AFG2A: variants seen among roughly 807,000 people sequenced by gnomAD.
The protein encoded by AFG2A is ATPase family gene 2 protein homolog A.
chr4:123,082,493 T>C, the AFG2A span, among the ~76,000 whole-genome samples: 1 of 150,582 alleles, frequency 6.6e-6, no homozygotes, highest in African/African-American at 2.4e-5. Flanking sequence ...GTACTTTTTG[T>C]GTGTGTCTCT....
At chr4:123,167,200 TTA>T in the AFG2A span, among the ~76,000 whole-genome samples, 1 of 148,448 alleles carries the variant, frequency 6.7e-6, no homozygotes, top group Non-Finnish European at 1.5e-5. Flanking sequence ...TATTTATATA[TTA>T]TATATATTTG....
At chr4:123,095,742 T>C in the AFG2A span, among the ~76,000 whole-genome samples, 117 of 152,128 alleles carry the variant, frequency 7.7e-4, no homozygotes, top group African/African-American at 2.7e-3. Flanking sequence ...GTCAAAGAAA[T>C]TGATATATAT....
chr4:122,934,780 C>G, the AFG2A span: 7 of 1,520,646 alleles, frequency 4.6e-6, no homozygotes, highest in East Asian at 1.6e-4. Context: ...ATGTTAAATT[C>G]AAATTAAAAG....
chr4:123,095,079 GTGTATA>G, the AFG2A span, among the ~76,000 whole-genome samples: 65,973 of 113,786 alleles, frequency 0.58, 21,863 homozygotes, highest in East Asian at 0.91. Flanking sequence ...GTGTGTGTGT[GTGTATA>G]TATATATATA....
At chr4:123,149,749 G>A in the AFG2A span, among the ~76,000 whole-genome samples, 3 of 149,368 alleles carry the variant, frequency 2.0e-5, no homozygotes, top group East Asian at 3.9e-4. Flanking sequence ...TCATCATGTA[G>A]CAAACATTTA....
the AFG2A span, chr4:122,934,152 G>A: frequency 9.9e-6 from 16 of 1,614,044 alleles, no homozygotes; most frequent in East Asian, 8.9e-5. Flanking sequence ...ATGGACGACC[G>A]TACAAGCTGC....
At chr4:123,193,885 C>T in the AFG2A span, among the ~76,000 whole-genome samples, 1 of 152,016 alleles carries the variant, frequency 6.6e-6, no homozygotes, top group Non-Finnish European at 1.5e-5. Context: ...GAAAACAGAC[C>T]ACACACAGCC....
At chr4:123,237,351 T>A in the AFG2A span, among the ~76,000 whole-genome samples, 1 of 152,122 alleles carries the variant, frequency 6.6e-6, no homozygotes, top group African/African-American at 2.4e-5. Context: ...ATGTTTCTAG[T>A]TGTTTGAAGT....
the AFG2A span, among the ~76,000 whole-genome samples, chr4:123,249,050 T>G: frequency 6.6e-6 from 1 of 152,234 alleles, no homozygotes; most frequent in Non-Finnish European, 1.5e-5. Flanking sequence ...AATAAGTTTT[T>G]GAGCTAGAAT....
the AFG2A span, among the ~76,000 whole-genome samples, chr4:122,946,583 A>G: frequency 6.6e-6 from 1 of 152,040 alleles, no homozygotes. Flanking sequence ...TGAATAGAAT[A>G]TTGGATAATT....
the AFG2A span, among the ~76,000 whole-genome samples, chr4:123,254,985 A>G: frequency 2.0e-5 from 3 of 151,910 alleles, no homozygotes; most frequent in East Asian, 1.9e-4. Context: ...TTTTTTTTAA[A>G]TGGAGTCTTA....
chr4:123,229,738 G>A, the AFG2A span, among the ~76,000 whole-genome samples: 1 of 151,870 alleles, frequency 6.6e-6, no homozygotes, highest in African/African-American at 2.4e-5. Context: ...AAAATTATTA[G>A]ATATCTTTAT....
the AFG2A span, among the ~76,000 whole-genome samples, chr4:122,956,458 G>A: frequency 1.3e-5 from 2 of 151,908 alleles, no homozygotes; most frequent in Non-Finnish European, 2.9e-5. Context: ...GGTGGATCTT[G>A]TTTAGAGGGG....
At chr4:123,115,452 G>A in the AFG2A span, among the ~76,000 whole-genome samples, 3 of 151,912 alleles carry the variant, frequency 2.0e-5, no homozygotes, top group Admixed American at 2.0e-4. Flanking sequence ...CGCCACTCCC[G>A]CTTTCCACCC....
the AFG2A span, among the ~76,000 whole-genome samples, chr4:123,040,770 G>A: frequency 6.6e-6 from 1 of 152,076 alleles, no homozygotes; most frequent in Admixed American, 6.6e-5. Context: ...TTTGGTAGTT[G>A]CATTATTTAA....
the AFG2A span, among the ~76,000 whole-genome samples, chr4:122,994,413 A>G: frequency 6.6e-6 from 1 of 152,248 alleles, no homozygotes; most frequent in South Asian, 2.1e-4. Flanking sequence ...AAGTTTCTCT[A>G]TGTACACCAT....
chr4:123,207,259 A>G, the AFG2A span, among the ~76,000 whole-genome samples: 2 of 149,852 alleles, frequency 1.3e-5, no homozygotes, highest in East Asian at 1.9e-4. Flanking sequence ...GTTGCACTCA[A>G]ATTACTTTCA....
At chr4:123,254,983 A>T in the AFG2A span, among the ~76,000 whole-genome samples, 15 of 151,532 alleles carry the variant, frequency 9.9e-5, no homozygotes, top group African/African-American at 2.7e-4. Context: ...TTTTTTTTTT[A>T]AATGGAGTCT....
the AFG2A span, chr4:122,933,435 A>T: frequency 6.2e-7 from 1 of 1,611,352 alleles, no homozygotes; most frequent in Admixed American, 1.7e-5. Flanking sequence ...TTATCCTTTT[A>T]CAGTGACAAA....
Sources: allele counts gnomAD v4.1 joint callset (sites outside exome capture counted in the v4.1 genomes callset), GRCh38; gene constraint gnomAD v4.1.1; transcripts MANE v1.5; gene names NCBI Gene and HGNC (gene_info 2026-07-23, HGNC 2026-07-21).